TK1: variants seen among roughly 807,000 people sequenced by gnomAD.
TK1 encodes thymidine kinase, cytosolic.
TK1 carries 13 observed loss-of-function variants against 22.4 expected under a neutral mutation model. The ratio of observed to expected loss-of-function variants is 0.58; its 90% confidence interval spans 0.38 to 0.92. The LOEUF (loss-of-function observed/expected upper bound fraction) is 0.92. Ranked by LOEUF, TK1 falls within the 40% of genes least tolerant of loss-of-function variation. The pLI is 0.00. For synonymous variants in TK1, 134 were observed against 125.4 expected (o/e 1.07, Z -0.46); for missense variants, 251 against 315.7 (o/e 0.80, Z 1.55).
chr17:78,180,713 A>G (rs1333922212), intron 4 of TK1, among the ~76,000 whole-genome samples: 4 of 152,262 alleles, frequency 2.6e-5, no homozygotes, highest in African/African-American at 9.6e-5. Context: ...ACTCTGGAAG[A>G]TGGAACCCAG....
intron 4 of TK1, chr17:78,179,249 C>A: frequency 1.0e-6 from 1 of 985,406 alleles, no homozygotes; most frequent in South Asian, 4.7e-5. Flanking sequence ...AAAGCTGATG[C>A]AAAATCCCTG....
chr17:78,186,288 G>A (rs765931896), intron 2 of TK1, among the ~76,000 whole-genome samples: 19 of 152,218 alleles, frequency 1.2e-4, no homozygotes, highest in Non-Finnish European at 2.6e-4. Flanking sequence ...GTTTACTCAA[G>A]AAACTCACTA....
In TK1 at chr17:78,186,921, C is replaced by T. The variant is rs768031287; in HGVS notation, c.66+8G>A. ...ATCCCCAGCCACGCGCAGGGCTGGC[C>T]CCCGCACCTGGATCTGCCCCCGGGT... is the stretch of plus-strand genomic sequence containing the variant. On this transcript the variant is annotated splice_region_variant and intron_variant, in intron 1 of 6. Coordinates refer to ENST00000301634, the MANE Select transcript of TK1 (RefSeq NM_003258.5). The T allele has an allele frequency of 1.3e-6, 2 of 1,567,696 alleles. No individual in the cohort carries two copies. The highest frequency in any genetic ancestry group is 2.3e-5 in the South Asian group (2 of 85,448).
chr17:78,179,986 A>C (rs2075727255), intron 4 of TK1, among the ~76,000 whole-genome samples: 1 of 152,176 alleles, frequency 6.6e-6, no homozygotes, highest in Admixed American at 6.5e-5. Context: ...CGGGAGAATC[A>C]CTTGAACCTG....
intron 4 of TK1, chr17:78,179,344 T>C: frequency 6.1e-6 from 6 of 985,042 alleles, no homozygotes; most frequent in Non-Finnish European, 7.2e-6. Flanking sequence ...TCGCCAGGAG[T>C]CCCTCAAGCA....
In TK1 at chr17:78,174,948, G is replaced by A. The variant is rs767963961; in HGVS notation, c.516C>T (p.Val172=). The A allele has an allele frequency of 1.6e-5, 25 of 1,612,608 alleles. No individual in the cohort carries two copies. The highest frequency in any genetic ancestry group is 1.2e-4 in the Admixed American group (7 of 59,956). Residue 172 remains valine, a splice_region_variant and synonymous_variant, in exon 7 of 7, where the codon GTC becomes GTT. Transcript: ENST00000301634. ...YTKRLGTEKE[V]EVIGGADKYH... is the part of the protein sequence containing the mutation. ...ACTTGTCTGCTCCCCCAATCACCTCGACCTGGCCGCAGGGACAGGGGATGG... is the reference window on the plus strand; with the variant it reads ...ACTTGTCTGCTCCCCCAATCACCTCAACCTGGCCGCAGGGACAGGGGATGG...
In TK1 at chr17:78,175,141, G is replaced by C; in HGVS notation, c.422C>G (p.Pro141Arg). ...KPFGAILNLVPLAESVVKLTA... is the reference protein window; with the variant it reads ...KPFGAILNLVRLAESVVKLTA... ...CAGCTTCACCACGCTCTCGGCCAGC[G>C]GCACCAGGTTCAGGATGGCCCCAAA... The change falls in exon 6 of 7, where the codon CCG becomes CGG. Residue 141 changes from proline to arginine, a missense_variant. Transcript: ENST00000301634. 1.2e-6 allele frequency: 2 copies of C among 1,613,236 alleles called. No individual in the cohort carries two copies. Among genetic ancestry groups the C allele is most frequent in the Non-Finnish European group, 1.7e-6 (2 of 1,179,888 alleles).
In TK1 at chr17:78,186,804, C is replaced by G. The variant is rs926117778; in HGVS notation, c.81G>C (p.Pro27=). 6.3e-7 allele frequency: 1 copy of G among 1,586,414 alleles called. No homozygotes were observed. Among genetic ancestry groups the G allele is most frequent in the Admixed American group, 1.8e-5 (1 of 56,520 alleles). Residue 27 remains proline (P), a synonymous_variant, in exon 2 of 7, where the codon CCG becomes CCC. Coordinates refer to ENST00000301634, the MANE Select transcript of TK1 (RefSeq NM_003258.5). ...TRGQIQVILG[P]MFSGKSTELM... The stretch of plus-strand genomic sequence containing the variant: ...GCCATTACCTTTTTCCTGAGAACAT[C>G]GGCCCGAGAATCACCTAGGAGAGAA...
rs2075798683 is a variant in TK1 at position 78,186,667 on chromosome 17, G to C, written c.98+120C>G. The C allele has an allele frequency of 3.9e-5, 38 of 980,942 alleles. 1 individual carries two copies. The South Asian group carries it at 5.6e-4, about 14-fold the overall frequency. 60.8% of individuals were successfully genotyped at this position (980,942 alleles called of 1,614,324 possible). A position where few individuals can be genotyped will look rare whatever the true frequency, so the allele number is the denominator to read the frequency against. ...GGCTGTGCTGGTCCTTCTAGGGGAAGGGAAGGGGAGGGAAGGGAAGGGGAG... is the reference window on the plus strand; with the variant it reads ...GGCTGTGCTGGTCCTTCTAGGGGAACGGAAGGGGAGGGAAGGGAAGGGGAG... On this transcript the variant is annotated intron_variant, in intron 2 of 6. Transcript: ENST00000301634.
rs549268836 is a variant in TK1 at position 78,181,346 on chromosome 17, A to G, written c.303+1243T>C. Among the ~76,000 whole-genome samples, 5 of 152,210 alleles carry G rather than the reference A, an allele frequency of 3.3e-5. No homozygotes were observed. In the South Asian group the frequency reaches 1.0e-3, roughly 32 times the overall value. ...GTGGATCACCTGAGGTCAGGAGTTCAAGACCAGCCTAGCCAACATGGTGAA... is the reference window on the plus strand; with the variant it reads ...GTGGATCACCTGAGGTCAGGAGTTCGAGACCAGCCTAGCCAACATGGTGAA... On this transcript the variant is annotated intron_variant, in intron 4 of 6. Transcript: ENST00000301634.
At chr17:78,180,731 C>T (rs888940388) in intron 4 of TK1, among the ~76,000 whole-genome samples, 1 of 152,202 alleles carries the variant, frequency 6.6e-6, no homozygotes, top group African/African-American at 2.4e-5. Context: ...CAGAACACCT[C>T]AGAGATGGAT....
chr17:78,175,706 A>G (rs2075694178), intron 4 of TK1, 88 bp from the exon 5 acceptor site: 2 of 1,208,680 alleles, frequency 1.7e-6, no homozygotes, highest in African/African-American at 3.0e-5. Flanking sequence ...GCCAGATCTG[A>G]CAACTCCGGC....
chr17:78,175,642 AGT>A (rs1475161224), intron 4 of TK1, 24 bp from the exon 5 acceptor site: 2 of 1,604,704 alleles, frequency 1.2e-6, no homozygotes, highest in Admixed American at 1.7e-5. Flanking sequence ...GTGGAGAAAG[AGT>A]GTGAGAGCTT....
chr17:78,177,602 C>A (rs929402109), intron 4 of TK1, among the ~76,000 whole-genome samples: 1 of 149,114 alleles, frequency 6.7e-6, no homozygotes, highest in Non-Finnish European at 1.5e-5. Flanking sequence ...GAGACGGAGT[C>A]TCGCTCTGTC....
intron 4 of TK1, among the ~76,000 whole-genome samples, chr17:78,180,929 A>C (rs1402382130): frequency 6.6e-6 from 1 of 152,184 alleles, no homozygotes; most frequent in Non-Finnish European, 1.5e-5. Flanking sequence ...GCAAAAACAC[A>C]ATGACCAGCG....
At position 78,186,941 on chromosome 17, in the gene TK1, C is replaced by G; in HGVS notation, c.54G>C (p.Arg18=). 4.5e-6 allele frequency: 7 copies of G among 1,571,442 alleles called. No individual in the cohort carries two copies. Among genetic ancestry groups the G allele is most frequent in the Non-Finnish European group, 5.2e-6 (6 of 1,158,614 alleles). The part of the protein sequence containing the change: ...TVLPGSPSKT[R]GQIQVILGPM... ...CTGGCCCCCGCACCTGGATCTGCCC[C>G]CGGGTCTTGCTGGGGGAGCCAGGCA... is the stretch of plus-strand genomic sequence containing the variant. Residue 18 remains arginine, a synonymous_variant, in exon 1 of 7, where the codon CGG becomes CGC. Transcript: ENST00000301634.
At chr17:78,185,301 G>T in intron 2 of TK1, 136 bp from the exon 3 acceptor site, 1 of 643,426 alleles carries the variant, frequency 1.6e-6, no homozygotes, top group South Asian at 1.8e-5. Flanking sequence ...AAAGAGCAGG[G>T]CAGAGCAGGC....
rs781253096 is a variant in TK1 at position 78,185,076 on chromosome 17, C to T, written c.188G>A (p.Ser63Asn). ...TGACCGGTCATGTGTGCAGAAGCTGCTGCTGTAGCGAGTGTCTTTGGCATA... is the reference window on the plus strand; with the variant it reads ...TGACCGGTCATGTGTGCAGAAGCTGTTGCTGTAGCGAGTGTCTTTGGCATA... ...IKYAKDTRYS[S>N]SFCTHDRNTM... Residue 63 changes from serine to asparagine, a missense_variant, in exon 3 of 7, where the codon AGC becomes AAC. By Grantham distance (46) the Ser-to-Asn change is conservative. Coordinates refer to ENST00000301634, the MANE Select transcript of TK1 (RefSeq NM_003258.5). 1.2e-6 allele frequency: 2 copies of T among 1,612,598 alleles called. No individual in the cohort carries two copies. Among genetic ancestry groups the T allele is most frequent in the East Asian group, 2.2e-5 (1 of 44,876 alleles).
In TK1 at chr17:78,182,604, G is replaced by A. The variant is rs772189003; in HGVS notation, c.288C>T (p.Ile96=). ...QEALGVAVIG[I]DEGQFFPDIV... is the part of the protein sequence containing the mutation. ...GCCAACTTACAAACTGCCCCTCGTC[G>A]ATGCCTATGACAGCCACGCCCAGGG... The change falls in exon 4 of 7, where the codon ATC becomes ATT. Residue 96 remains isoleucine, a synonymous_variant. Coordinates refer to ENST00000301634, the MANE Select transcript of TK1 (RefSeq NM_003258.5). The A allele has an allele frequency of 6.3e-6, 10 of 1,587,968 alleles. No individual in the cohort carries two copies. Among genetic ancestry groups the A allele is most frequent in the African/African-American group, 2.7e-5 (2 of 74,388 alleles).
Sources: allele counts gnomAD v4.1 joint callset (sites outside exome capture counted in the v4.1 genomes callset), GRCh38; gene constraint gnomAD v4.1.1; transcripts MANE v1.5; gene names NCBI Gene and HGNC (gene_info 2026-07-23, HGNC 2026-07-21).